TP63: variants seen among roughly 807,000 people sequenced by gnomAD.
TP63 encodes tumor protein p63.
In TP63, 17 loss-of-function variants were observed where a neutral mutation model predicts 82.8. The observed-to-expected ratio is 0.21, with a 90% CI of 0.14 to 0.31. The LOEUF is 0.31. Ranked by LOEUF, TP63 falls within the 10% of genes least tolerant of loss-of-function variation. The pLI, the probability that TP63 is intolerant of heterozygous loss-of-function variation, is 1.00. For missense variants in TP63, 648 were observed against 895.3 expected, an observed-to-expected ratio of 0.72 and a Z score of 3.52; for synonymous variants, 330 against 321.7, an observed-to-expected ratio of 1.03 and a Z score of -0.28.
rs966085304 is a variant in TP63 at position 189,634,891 on chromosome 3, G to T, written c.62+3314G>T. 3.3e-5 allele frequency among the ~76,000 whole-genome samples: 5 copies of T among 151,636 alleles called. 1 individual carries two copies. The South Asian group carries it at 1.0e-3, about 32-fold the overall frequency. ...ACATCCTTGTTAATTTATTGTTTGG[G>T]CTAAAACTTGGGCAATTTTCCATTC... On this transcript the variant is annotated intron_variant, in intron 1 of 13. Transcript: ENST00000264731.
In TP63 at chr3:189,647,701, C is replaced by T. The variant is rs186150538; in HGVS notation, c.62+16124C>T. 8.2e-5 allele frequency among the ~76,000 whole-genome samples: 12 copies of T among 146,052 alleles called. 4 individuals carry two copies. In the East Asian group the frequency reaches 2.7e-3, roughly 32 times the overall value. ...GTGTATGCAGCCCTTGTAGGAAGAC[C>T]GAAGCCAAATTATCAAAGAACATTG... On this transcript the variant is annotated intron_variant, in intron 1 of 13. Coordinates refer to ENST00000264731, the MANE Select transcript of TP63 (RefSeq NM_003722.5).
intron 3 of TP63, among the ~76,000 whole-genome samples, chr3:189,773,205 C>T (rs1234808107): frequency 6.6e-6 from 1 of 152,206 alleles, no homozygotes; most frequent in Non-Finnish European, 1.5e-5. Flanking sequence ...GAAACTTCTA[C>T]TGTACCAAGT....
At chr3:189,757,389 C>T (rs981725004) in intron 3 of TP63, among the ~76,000 whole-genome samples, 1 of 152,158 alleles carries the variant, frequency 6.6e-6, no homozygotes, top group Non-Finnish European at 1.5e-5. Context: ...CAGAATGTTT[C>T]TAAGCCTCAG....
At chr3:189,889,313 C>G (rs1301179496) in intron 11 of TP63, 27 bp from the exon 12 acceptor site, 2 of 1,614,018 alleles carry the variant, frequency 1.2e-6, no homozygotes, top group African/African-American at 1.3e-5. Flanking sequence ...GGCAGTAACC[C>G]TTTTTGTTCC....
At chr3:189,678,428 T>C (rs1715632321) in intron 1 of TP63, among the ~76,000 whole-genome samples, 1 of 152,078 alleles carries the variant, frequency 6.6e-6, no homozygotes, top group South Asian at 2.1e-4. Flanking sequence ...CTCTATTCTG[T>C]TACATTGATC....
At chr3:189,847,899 A>G (rs1226183796) in intron 4 of TP63, among the ~76,000 whole-genome samples, 1 of 152,228 alleles carries the variant, frequency 6.6e-6, no homozygotes, top group Admixed American at 6.5e-5. Context: ...TATTTTTGTT[A>G]GTAAGATGGC....
At chr3:189,833,215 A>C (rs1274298985) in intron 4 of TP63, among the ~76,000 whole-genome samples, 1 of 152,208 alleles carries the variant, frequency 6.6e-6, no homozygotes, top group African/African-American at 2.4e-5. Flanking sequence ...TGACAAATTC[A>C]GCACAGTGAG....
At chr3:189,842,539 T>C (rs1479229487) in intron 4 of TP63, among the ~76,000 whole-genome samples, 1 of 152,200 alleles carries the variant, frequency 6.6e-6, no homozygotes, top group Non-Finnish European at 1.5e-5. Context: ...CTACAGATAA[T>C]TGTGTCTTCC....
chr3:189,761,148 A>G (rs572685083), intron 3 of TP63, among the ~76,000 whole-genome samples: 34 of 152,234 alleles, frequency 2.2e-4, no homozygotes, highest in Admixed American at 1.6e-3. Flanking sequence ...CATTTTCCCC[A>G]TTGTCTTGGT....
intron 10 of TP63, chr3:189,880,493 G>A (rs1010261118): frequency 9.8e-6 from 10 of 1,021,828 alleles, no homozygotes; most frequent in Non-Finnish European, 1.1e-5. Context: ...GTGGGGAAAG[G>A]GGCATTAAGA....
intron 4 of TP63, chr3:189,829,856 G>T: frequency 2.9e-6 from 1 of 349,148 alleles, no homozygotes; most frequent in Non-Finnish European, 5.7e-6. Context: ...TTCATTACCA[G>T]ACCAATATAA....
At chr3:189,758,872 A>T (rs1722370558) in intron 3 of TP63, among the ~76,000 whole-genome samples, 1 of 152,118 alleles carries the variant, frequency 6.6e-6, no homozygotes, top group Non-Finnish European at 1.5e-5. Flanking sequence ...TCAAACTAAG[A>T]TCAGGATTTT....
intron 3 of TP63, among the ~76,000 whole-genome samples, chr3:189,744,667 T>A (rs1185980320): frequency 1.3e-5 from 2 of 152,178 alleles, no homozygotes; most frequent in Non-Finnish European, 2.9e-5. Context: ...TGTGGAACAT[T>A]TGGGTCCCAG....
At chr3:189,802,691 A>G (rs1190940891) in intron 3 of TP63, among the ~76,000 whole-genome samples, 6 of 152,196 alleles carry the variant, frequency 3.9e-5, no homozygotes, top group African/African-American at 1.4e-4. Context: ...CTTTTGCATC[A>G]CTAGGATCCA....
At chr3:189,813,552 G>T (rs367713358) in intron 4 of TP63, among the ~76,000 whole-genome samples, 1 of 151,680 alleles carries the variant, frequency 6.6e-6, no homozygotes, top group Non-Finnish European at 1.5e-5. Context: ...CTCATGACAC[G>T]AGAGTACTCT....
Position 189,783,364 on chromosome 3 carries a change from A to G in TP63, c.325-24908A>G, listed in dbSNP as rs532711864. The stretch of plus-strand genomic sequence containing the variant: ...TGTGTGTAATATGTATCTCTGGAAG[A>G]GAATAAACCAAAATGCTAATGGTGT... On this transcript the variant is annotated intron_variant, in intron 3 of 13. Coordinates refer to ENST00000264731, the MANE Select transcript of TP63 (RefSeq NM_003722.5). Among the ~76,000 whole-genome samples, 5 of 152,118 alleles carry G rather than the reference A, an allele frequency of 3.3e-5. No homozygotes were observed. The South Asian group carries it at 1.0e-3, about 31-fold the overall frequency.
rs140982464 is a variant in TP63 at position 189,697,684 on chromosome 3, A to G, written c.63-40056A>G. 4.6e-5 allele frequency among the ~76,000 whole-genome samples: 7 copies of G among 152,212 alleles called. No homozygotes were observed. The East Asian group carries it at 1.4e-3, about 29-fold the overall frequency. On this transcript the variant is annotated intron_variant, in intron 1 of 13. Coordinates refer to ENST00000264731, the MANE Select transcript of TP63 (RefSeq NM_003722.5). ...CAGTATTGAGTCTCCTCTCCCATCAATGCAAAACATATCTCTATTTATTTA... is the reference window on the plus strand; with the variant it reads ...CAGTATTGAGTCTCCTCTCCCATCAGTGCAAAACATATCTCTATTTATTTA...
rs113242899 is a variant in TP63, at chr3:189,814,224, G to A, written c.579+5698G>A. 5.4e-3 allele frequency among the ~76,000 whole-genome samples: 824 copies of A among 152,314 alleles called. 12 individuals are homozygous for A. The highest frequency in any genetic ancestry group is 0.041 in the South Asian group (198 of 4,826). On this transcript the variant is annotated intron_variant, in intron 4 of 13. Coordinates refer to ENST00000264731, the MANE Select transcript of TP63 (RefSeq NM_003722.5). ...AATCTAATGCAACCCAGCCAATTGC[G>A]TGGCCCTCTGGAATTTAGAGACTCT...
intron 3 of TP63, among the ~76,000 whole-genome samples, chr3:189,741,240 T>C (rs891022247): frequency 4.0e-5 from 6 of 150,700 alleles, no homozygotes; most frequent in Admixed American, 6.6e-5. Context: ...CCTAACAACG[T>C]AGAAATCCTG....
Sources: allele counts gnomAD v4.1 joint callset (sites outside exome capture counted in the v4.1 genomes callset), GRCh38; gene constraint gnomAD v4.1.1; transcripts MANE v1.5; gene names NCBI Gene and HGNC (gene_info 2026-07-23, HGNC 2026-07-21).